MEGF11: variants seen among roughly 807,000 people sequenced by gnomAD.
The protein encoded by MEGF11 is multiple EGF like domains 11.
MEGF11 carries 126 observed loss-of-function variants against 146.6 expected under a neutral mutation model. The ratio of observed to expected loss-of-function variants is 0.86; its 90% CI spans 0.74 to 1.00. The LOEUF is 1.00. MEGF11 is among the 50% of genes least tolerant of loss of function. The probability of loss-of-function intolerance (pLI) is 0.00; values close to 1 mark genes in which losing one functional copy is unlikely to be tolerated. For missense variants in MEGF11, 1,509 were observed against 1,521.2 expected (o/e 0.99, Z 0.13); for synonymous variants, 532 against 583.4 (o/e 0.91, Z 1.27).
chr15:65,904,172 GT>G (rs1247601157), intron 24 of MEGF11, among the ~76,000 whole-genome samples: 1 of 152,172 alleles, frequency 6.6e-6, no homozygotes, highest in East Asian at 1.9e-4. Context: ...AGTTATTGGG[GT>G]TTCTGGTCCT....
chr15:65,980,169 G>T (rs1239959390), intron 7 of MEGF11, among the ~76,000 whole-genome samples: 1 of 152,186 alleles, frequency 6.6e-6, no homozygotes, highest in African/African-American at 2.4e-5. Flanking sequence ...GCTCATGTGG[G>T]TGCTCACACC....
intron 15 of MEGF11, 87 bp from the exon 16 acceptor site, chr15:65,918,181 G>T: frequency 1.3e-6 from 2 of 1,572,746 alleles, no homozygotes; most frequent in South Asian, 1.2e-5. Context: ...AAGTTCCCAA[G>T]CCACAGCCAT....
chr15:66,099,308 G>A lies in MEGF11; in HGVS notation c.302-4814C>T, dbSNP rs1451339343. Among the ~76,000 whole-genome samples, 4 of 147,034 alleles carry A rather than the reference G, an allele frequency of 2.7e-5. No homozygotes were observed. The South Asian group carries it at 6.5e-4, about 24-fold the overall frequency. On this transcript the variant is annotated intron_variant, in intron 4 of 25. Coordinates refer to ENST00000395614, the MANE Select transcript of MEGF11 (RefSeq NM_001385028.1). Reference sequence around the variant, plus strand: ...AGTGATTCTCCTGCCTCAGCCTCCCGAGTAGCTGGGATTACAGGCACGCGC... The same window carrying A: ...AGTGATTCTCCTGCCTCAGCCTCCCAAGTAGCTGGGATTACAGGCACGCGC...
At chr15:66,178,133 G>A (rs2090440651) in intron 1 of MEGF11, among the ~76,000 whole-genome samples, 1 of 152,096 alleles carries the variant, frequency 6.6e-6, no homozygotes, top group Non-Finnish European at 1.5e-5. Context: ...TGGGACTACA[G>A]GCTAACCATG....
intron 13 of MEGF11, 37 bp from the exon 14 acceptor site, chr15:65,923,006 G>A (rs1222161406): frequency 1.9e-6 from 3 of 1,603,676 alleles, no homozygotes; most frequent in Non-Finnish European, 2.6e-6. Context: ...AGTGGTAAGA[G>A]AGGTGAGGAT....
intron 5 of MEGF11, among the ~76,000 whole-genome samples, chr15:66,045,764 A>T (rs1451894327): frequency 6.6e-6 from 1 of 151,888 alleles, no homozygotes; most frequent in Non-Finnish European, 1.5e-5. Flanking sequence ...CACTTTCTTC[A>T]CCCTTATCTC....
chr15:66,143,482 G>A (rs2089249752), intron 1 of MEGF11, among the ~76,000 whole-genome samples: 1 of 152,216 alleles, frequency 6.6e-6, no homozygotes, highest in Non-Finnish European at 1.5e-5. Flanking sequence ...CTTCTCGGGT[G>A]CAGACAGAAG....
chr15:65,988,246 G>A (rs1026902377), intron 5 of MEGF11, among the ~76,000 whole-genome samples: 19 of 152,006 alleles, frequency 1.2e-4, no homozygotes, highest in Middle Eastern at 6.8e-3. Flanking sequence ...TGGGCTCATC[G>A]ATCTACCTGC....
At chr15:66,205,077 A>G (rs546376158) in intron 1 of MEGF11, among the ~76,000 whole-genome samples, 1 of 151,740 alleles carries the variant, frequency 6.6e-6, no homozygotes, top group South Asian at 2.1e-4. Flanking sequence ...AAAAAACACC[A>G]ACAAAATCCT....
At chr15:66,103,901 G>T (rs1167764224) in intron 4 of MEGF11, among the ~76,000 whole-genome samples, 2 of 152,214 alleles carry the variant, frequency 1.3e-5, no homozygotes, top group African/African-American at 2.4e-5. Flanking sequence ...TTAAACTTAA[G>T]GTCCTGGTGG....
intron 5 of MEGF11, among the ~76,000 whole-genome samples, chr15:66,077,668 C>T (rs191971459): frequency 1.3e-5 from 2 of 152,304 alleles, no homozygotes; most frequent in African/African-American, 2.4e-5. Context: ...GACGTGGGTC[C>T]TGCATGAAGA....
At chr15:66,140,564 G>T (rs1051611332) in intron 1 of MEGF11, among the ~76,000 whole-genome samples, 2 of 152,190 alleles carry the variant, frequency 1.3e-5, no homozygotes, top group African/African-American at 4.8e-5. Context: ...CTTCCCCAGT[G>T]TTCTAATTCT....
At chr15:66,119,301 C>T in intron 3 of MEGF11, 115 bp from the exon 4 acceptor site, 2 of 702,172 alleles carry the variant, frequency 2.8e-6, no homozygotes, top group Non-Finnish European at 4.8e-6. Context: ...CTTTAAAATG[C>T]ATGGCGACTT....
At chr15:65,932,161 G>A (rs978272903) in intron 10 of MEGF11, among the ~76,000 whole-genome samples, 1 of 152,174 alleles carries the variant, frequency 6.6e-6, no homozygotes, top group Non-Finnish European at 1.5e-5. Flanking sequence ...TGCTGATCTG[G>A]CAGGAAGCTC....
chr15:66,235,259 T>G (rs539863885), intron 1 of MEGF11, among the ~76,000 whole-genome samples: 186 of 152,114 alleles, frequency 1.2e-3, no homozygotes, highest in African/African-American at 3.8e-3. Context: ...TCCCAGCAAT[T>G]TGGGAGGCTG....
intron 1 of MEGF11, among the ~76,000 whole-genome samples, chr15:66,214,480 G>A (rs1285968937): frequency 3.3e-5 from 5 of 152,190 alleles, no homozygotes; most frequent in Non-Finnish European, 4.4e-5. Context: ...GCAGGGGGAA[G>A]CCCTTGCTTT....
intron 7 of MEGF11, among the ~76,000 whole-genome samples, chr15:65,976,924 A>G (rs1418056136): frequency 1.3e-5 from 2 of 152,084 alleles, no homozygotes; most frequent in African/African-American, 4.8e-5. Flanking sequence ...GAGGCCCGTA[A>G]TCCCAGTACT....
chr15:66,065,594 G>A (rs921042557), intron 5 of MEGF11, among the ~76,000 whole-genome samples: 2 of 152,306 alleles, frequency 1.3e-5, no homozygotes, highest in East Asian at 3.9e-4. Context: ...AGGTGGGGGT[G>A]GGTACTGAGG....
At chr15:66,053,580 T>C (rs900745518) in intron 5 of MEGF11, among the ~76,000 whole-genome samples, 2 of 152,076 alleles carry the variant, frequency 1.3e-5, no homozygotes, top group Non-Finnish European at 2.9e-5. Flanking sequence ...TGTGATGTTT[T>C]AGTTGCCACC....
Sources: allele counts gnomAD v4.1 joint callset (sites outside exome capture counted in the v4.1 genomes callset), GRCh38; gene constraint gnomAD v4.1.1; transcripts MANE v1.5; gene names NCBI Gene and HGNC (gene_info 2026-07-23, HGNC 2026-07-21).